The following APBA1 variants were observed in gnomAD, a reference collection of about 807,000 sequenced individuals.
The protein encoded by APBA1 is amyloid-beta A4 precursor protein-binding family A member 1.
APBA1 carries 55 observed loss-of-function variants against 86.6 expected under a neutral mutation model. The observed-to-expected ratio is 0.64, with a 90% CI of 0.51 to 0.80. APBA1 has a LOEUF of 0.80. APBA1 is among the 30% of genes least tolerant of loss of function. APBA1 has a pLI of 0.00. For synonymous variants in APBA1, 511 were observed against 493.9 expected (o/e 1.03, Z -0.46); for missense variants, 1,090 against 1,183.0 (o/e 0.92, Z 1.15).
At chr9:69,540,739 C>T (rs1345496588) in intron 1 of APBA1, among the ~76,000 whole-genome samples, 3 of 152,178 alleles carry the variant, frequency 2.0e-5, no homozygotes, top group Non-Finnish European at 4.4e-5. Flanking sequence ...GCTGGTACCA[C>T]AGGCATGAAC....
chr9:69,619,763 G>C (rs866527804), intron 1 of APBA1, among the ~76,000 whole-genome samples: 2 of 152,150 alleles, frequency 1.3e-5, no homozygotes. Context: ...TTAAATTCTG[G>C]AGTTTCATGC....
At chr9:69,575,678 C>T (rs1215024927) in intron 1 of APBA1, among the ~76,000 whole-genome samples, 2 of 152,186 alleles carry the variant, frequency 1.3e-5, no homozygotes, top group Non-Finnish European at 2.9e-5. Flanking sequence ...AACTGGATCC[C>T]TTCCTTACAC....
At position 69,517,195 on chromosome 9, in the gene APBA1, C is replaced by T. The variant is rs1836179454; in HGVS notation, c.16G>A (p.Gly6Arg). The T allele has an allele frequency of 6.6e-7, 1 of 1,510,526 alleles. No individual in the cohort carries two copies. The highest frequency in any genetic ancestry group is 8.9e-7 in the Non-Finnish European group (1 of 1,129,382). The allele number at this position is 1,510,526 out of a possible 1,614,324, so 93.6% of individuals were successfully genotyped here. Residue 6 changes from glycine (G) to arginine (R), a missense_variant, in exon 2 of 13, where the codon GGG becomes AGG. Physicochemically the swap from Gly to Arg is moderately radical, Grantham distance 125 (BLOSUM62 -2). Transcript: ENST00000265381. ...TCGGTCACCTCCACCTCCGCAGACCCCTCCAAGTGGTTCATGGTGGGAGTC... is the reference window on the plus strand; with the variant it reads ...TCGGTCACCTCCACCTCCGCAGACCTCTCCAAGTGGTTCATGGTGGGAGTC... MNHLE[G>R]SAEVEVTDEA... is the part of the protein sequence containing the mutation.
intron 1 of APBA1, among the ~76,000 whole-genome samples, chr9:69,536,908 A>T (rs1588348153): frequency 6.6e-6 from 1 of 150,506 alleles, no homozygotes; most frequent in Admixed American, 6.6e-5. Flanking sequence ...AACAAAAAAA[A>T]TTTACATAGC....
chr9:69,580,817 C>T (rs1479816813), intron 1 of APBA1, among the ~76,000 whole-genome samples: 1 of 152,142 alleles, frequency 6.6e-6, no homozygotes. Flanking sequence ...CTTCGCATAT[C>T]CCTCTCCATG....
intron 1 of APBA1, among the ~76,000 whole-genome samples, chr9:69,638,302 A>C (rs935677697): frequency 6.6e-6 from 1 of 152,198 alleles, no homozygotes; most frequent in African/African-American, 2.4e-5. Context: ...TTGCAGTGGC[A>C]AAACCTCAGC....
chr9:69,651,273 T>A (rs995653805), intron 1 of APBA1, among the ~76,000 whole-genome samples: 7 of 152,102 alleles, frequency 4.6e-5, no homozygotes, highest in Non-Finnish European at 1.0e-4. Flanking sequence ...AGGCACAGAA[T>A]GGGAGGGAGC....
chr9:69,467,432 C>T (rs1260585209), intron 5 of APBA1, among the ~76,000 whole-genome samples: 1 of 152,178 alleles, frequency 6.6e-6, no homozygotes, highest in Non-Finnish European at 1.5e-5. Context: ...GCAATGCCAC[C>T]TAGTTTAAAC....
chr9:69,539,765 A>T (rs1836574206), intron 1 of APBA1, among the ~76,000 whole-genome samples: 1 of 152,002 alleles, frequency 6.6e-6, no homozygotes, highest in Non-Finnish European at 1.5e-5. Context: ...GCCTCTACTG[A>T]TCTTCTCTCA....
chr9:69,475,612 T>G (rs1835431601), intron 3 of APBA1, among the ~76,000 whole-genome samples: 1 of 152,196 alleles, frequency 6.6e-6, no homozygotes, highest in Non-Finnish European at 1.5e-5. Context: ...ATAAAGGGTA[T>G]TTAAGAAACT....
chr9:69,632,341 T>TC (rs1190226370), intron 1 of APBA1, among the ~76,000 whole-genome samples: 1 of 152,054 alleles, frequency 6.6e-6, no homozygotes, highest in Non-Finnish European at 1.5e-5. Flanking sequence ...CCAACTTCCC[T>TC]CCCCCAAAGG....
In APBA1 at chr9:69,431,314, C is replaced by G. The variant is rs377202023; in HGVS notation, c.*13G>C. ...GGAGAGTCCTCCATGCATGCCACCG[C>G]GTGTGGCCGCGGTCAGATGTAAACA... On this transcript the variant is annotated 3_prime_UTR_variant, in exon 13 of 13. Coordinates refer to ENST00000265381, the MANE Select transcript of APBA1 (RefSeq NM_001163.4). The G allele has an allele frequency of 1.3e-6, 2 of 1,589,396 alleles. No homozygotes were observed. The highest frequency in any genetic ancestry group is 2.7e-5 in the African/African-American group (2 of 73,836).
chr9:69,552,031 C>T (rs1412586090), intron 1 of APBA1, among the ~76,000 whole-genome samples: 1 of 152,206 alleles, frequency 6.6e-6, no homozygotes, highest in East Asian at 1.9e-4. Flanking sequence ...AGACATATCA[C>T]ACAGTTCACT....
intron 2 of APBA1, among the ~76,000 whole-genome samples, chr9:69,499,859 C>T (rs994521013): frequency 1.2e-4 from 19 of 152,028 alleles, no homozygotes; most frequent in Non-Finnish European, 2.4e-4. Flanking sequence ...CAAGCCCTTA[C>T]TTCTCAGGAT....
At chr9:69,529,369 C>T (rs1446344014) in intron 1 of APBA1, among the ~76,000 whole-genome samples, 2 of 152,020 alleles carry the variant, frequency 1.3e-5, no homozygotes, top group African/African-American at 4.8e-5. Context: ...TTTGATGAGC[C>T]AGAAATCCCA....
At chr9:69,554,821 A>G (rs1397723150) in intron 1 of APBA1, among the ~76,000 whole-genome samples, 2 of 152,180 alleles carry the variant, frequency 1.3e-5, no homozygotes, top group African/African-American at 4.8e-5. Context: ...TGATGTCCTC[A>G]GATTCCAAAG....
At chr9:69,566,181 T>C (rs1837023792) in intron 1 of APBA1, among the ~76,000 whole-genome samples, 1 of 152,244 alleles carries the variant, frequency 6.6e-6, no homozygotes. Flanking sequence ...GTCTCCGTGC[T>C]GCATATCCCC....
rs370682026 is a variant in APBA1 at position 69,515,074 on chromosome 9, G to A, written c.1200+937C>T. ...GACCAGGAGCATCGCATGAGAACTTGTTAGTGACAACGTTGAACTTTACCT... is the reference window on the plus strand; with the variant it reads ...GACCAGGAGCATCGCATGAGAACTTATTAGTGACAACGTTGAACTTTACCT... On this transcript the variant is annotated intron_variant, in intron 2 of 12. Transcript: ENST00000265381. Among the ~76,000 whole-genome samples, 6 of 152,328 alleles carry A rather than the reference G, an allele frequency of 3.9e-5. No homozygotes were observed. The East Asian group carries it at 7.7e-4, about 20-fold the overall frequency.
At chr9:69,661,614 A>C (rs78830575) in intron 1 of APBA1, among the ~76,000 whole-genome samples, 1 of 137,250 alleles carries the variant, frequency 7.3e-6, no homozygotes, top group Admixed American at 7.3e-5. Flanking sequence ...TCATCCCCAC[A>C]AAATTCATGT....
Sources: allele counts gnomAD v4.1 joint callset (sites outside exome capture counted in the v4.1 genomes callset), GRCh38; gene constraint gnomAD v4.1.1; transcripts MANE v1.5; gene names NCBI Gene and HGNC (gene_info 2026-07-23, HGNC 2026-07-21).